The following ITGA9 variants were observed in gnomAD, a reference collection of about 807,000 sequenced individuals.
The protein encoded by ITGA9 is integrin subunit alpha 9.
A neutral mutation model predicts 127.8 loss-of-function variants in ITGA9; 56 were observed. The ratio of observed to expected loss-of-function variants is 0.44; its 90% CI spans 0.35 to 0.55. ITGA9 has a LOEUF of 0.55. Ranked by LOEUF, ITGA9 falls within the 20% of genes least tolerant of loss-of-function variation. The pLI is 0.00. For missense variants in ITGA9, 1,196 were observed against 1,347.1 expected (o/e 0.89, Z 1.76); for synonymous variants, 508 against 514.5 (o/e 0.99, Z 0.17).
intron 25 of ITGA9, among the ~76,000 whole-genome samples, chr3:37,781,956 G>A (rs1298356453): frequency 2.0e-5 from 3 of 152,192 alleles, no homozygotes. Flanking sequence ...TTTGGGGCAA[G>A]TTGGACTCAC....
chr3:37,709,364 G>A (rs556194811), intron 18 of ITGA9, among the ~76,000 whole-genome samples: 28 of 152,210 alleles, frequency 1.8e-4, no homozygotes, highest in African/African-American at 6.5e-4. Context: ...CATCCATCTG[G>A]GGAGCTTGGC....
intron 18 of ITGA9, among the ~76,000 whole-genome samples, chr3:37,705,188 A>T (rs893362956): frequency 1.2e-4 from 19 of 152,246 alleles, no homozygotes; most frequent in African/African-American, 4.3e-4. Flanking sequence ...GTATACCGTT[A>T]TCATTTTTCC....
intron 15 of ITGA9, among the ~76,000 whole-genome samples, chr3:37,570,719 G>A (rs894573427): frequency 6.6e-6 from 1 of 152,192 alleles, no homozygotes. Context: ...TTTAACTGCA[G>A]AAGGGAAATA....
At chr3:37,616,051 G>A (rs1397785443) in intron 15 of ITGA9, among the ~76,000 whole-genome samples, 1 of 152,136 alleles carries the variant, frequency 6.6e-6, no homozygotes, top group African/African-American at 2.4e-5. Flanking sequence ...TTTTAATTGT[G>A]ATGTTAGGTT....
At chr3:37,514,853 A>G (rs1698967870) in intron 9 of ITGA9, among the ~76,000 whole-genome samples, 1 of 152,108 alleles carries the variant, frequency 6.6e-6, no homozygotes, top group Admixed American at 6.5e-5. Context: ...GACGTGAGCC[A>G]CCACGCCTGG....
chr3:37,470,518 T>C (rs1698419569), intron 1 of ITGA9, among the ~76,000 whole-genome samples: 1 of 152,242 alleles, frequency 6.6e-6, no homozygotes, highest in African/African-American at 2.4e-5. Flanking sequence ...ATGCTTGTCT[T>C]TGGCCTATTC....
intron 15 of ITGA9, among the ~76,000 whole-genome samples, chr3:37,570,343 G>A (rs1378162171): frequency 6.6e-6 from 1 of 152,256 alleles, no homozygotes; most frequent in Non-Finnish European, 1.5e-5. Flanking sequence ...TTTGGGACAG[G>A]AGTAGGGGAA....
intron 17 of ITGA9, among the ~76,000 whole-genome samples, chr3:37,668,887 C>T (rs746958819): frequency 2.0e-5 from 3 of 152,350 alleles, no homozygotes; most frequent in Non-Finnish European, 4.4e-5. Context: ...CTGGGTTTAA[C>T]ATGACCTGCC....
intron 4 of ITGA9, among the ~76,000 whole-genome samples, chr3:37,482,393 C>G (rs1036517285): frequency 6.6e-6 from 1 of 152,322 alleles, no homozygotes; most frequent in South Asian, 2.1e-4. Flanking sequence ...ACTATTTAGC[C>G]CAGTCGAATC....
intron 26 of ITGA9, chr3:37,790,048 C>A: frequency 3.6e-6 from 2 of 559,564 alleles, no homozygotes; most frequent in South Asian, 1.5e-5. Flanking sequence ...CTCAGCAGTC[C>A]ATGTTTCTGG....
At chr3:37,461,908 G>T (rs974181787) in intron 1 of ITGA9, among the ~76,000 whole-genome samples, 1 of 152,108 alleles carries the variant, frequency 6.6e-6, no homozygotes, top group Non-Finnish European at 1.5e-5. Context: ...CCCACCCCAG[G>T]CTCCAGATAA....
At chr3:37,606,397 A>T (rs6789720) in intron 15 of ITGA9, among the ~76,000 whole-genome samples, 76,056 of 151,900 alleles carry the variant, frequency 0.5, 19,899 homozygotes, top group East Asian at 0.6. Context: ...AGCCCTTGAA[A>T]TGTGGCTATC....
intron 25 of ITGA9, 30 bp downstream of exon 25, chr3:37,780,051 G>A: frequency 6.2e-7 from 1 of 1,611,888 alleles, no homozygotes; most frequent in Non-Finnish European, 8.5e-7. Context: ...ACTTGTGGAT[G>A]CATTTAGAAG....
At chr3:37,518,205 C>A (rs1205325292) in intron 10 of ITGA9, among the ~76,000 whole-genome samples, 1 of 152,088 alleles carries the variant, frequency 6.6e-6, no homozygotes, top group Non-Finnish European at 1.5e-5. Context: ...GCCTCTCTCT[C>A]TGGCTTGTTT....
intron 17 of ITGA9, among the ~76,000 whole-genome samples, chr3:37,658,148 A>T (rs1700496365): frequency 6.6e-6 from 1 of 152,206 alleles, no homozygotes; most frequent in South Asian, 2.1e-4. Flanking sequence ...TGAGGTACTG[A>T]GAAGAATGTA....
At chr3:37,483,645 G>A (rs1424932773) in intron 4 of ITGA9, among the ~76,000 whole-genome samples, 2 of 152,194 alleles carry the variant, frequency 1.3e-5, no homozygotes, top group Non-Finnish European at 2.9e-5. Context: ...AGGGGAAGGG[G>A]CTTCCTCCAC....
chr3:37,671,352 C>T (rs1700635956), intron 17 of ITGA9, among the ~76,000 whole-genome samples: 2 of 152,270 alleles, frequency 1.3e-5, no homozygotes, highest in African/African-American at 4.8e-5. Context: ...CCTTGAGGGA[C>T]AGGGAGGGGC....
chr3:37,693,221 A>G (rs1351821227), intron 18 of ITGA9, among the ~76,000 whole-genome samples: 1 of 152,166 alleles, frequency 6.6e-6, no homozygotes, highest in Non-Finnish European at 1.5e-5. Context: ...AGAGACTGAG[A>G]TAGATGGATA....
chr3:37,771,588 TG>T (rs60857385), intron 23 of ITGA9, among the ~76,000 whole-genome samples: 5,995 of 152,224 alleles, frequency 0.039, 256 homozygotes, highest in South Asian at 0.14. Flanking sequence ...AGAACTTCAC[TG>T]GGGCCCGGAC....
Sources: allele counts gnomAD v4.1 joint callset (sites outside exome capture counted in the v4.1 genomes callset), GRCh38; gene constraint gnomAD v4.1.1; transcripts MANE v1.5; gene names NCBI Gene and HGNC (gene_info 2026-07-23, HGNC 2026-07-21).